DOP1B: variants seen among roughly 807,000 people sequenced by gnomAD.
The protein encoded by DOP1B is DOP1 leucine zipper like protein B.
A neutral mutation model predicts 233.5 loss-of-function variants in DOP1B; 174 were observed. The observed-to-expected ratio is 0.75, with a 90% CI of 0.66 to 0.85. The LOEUF (loss-of-function observed/expected upper bound fraction) is 0.85, where lower values mean the gene tolerates loss of function less well. DOP1B is among the 40% of genes least tolerant of loss of function. The pLI is 0.00. For missense variants in DOP1B, 2,652 were observed against 2,846.6 expected (o/e 0.93, Z 1.56); for synonymous variants, 1,190 against 1,185.6 (o/e 1.00, Z -0.08).
At chr21:36,257,591 A>G (rs968934923) in intron 23 of DOP1B, among the ~76,000 whole-genome samples, 1 of 146,378 alleles carries the variant, frequency 6.8e-6, no homozygotes, top group Non-Finnish European at 1.5e-5. Context: ...TGATACGTAG[A>G]TAGATGATAG....
chr21:36,246,689 T>C lies in DOP1B; in HGVS notation c.4697+12T>C. The C allele has an allele frequency of 6.3e-7, 1 of 1,594,124 alleles. No homozygotes were observed. Among genetic ancestry groups the C allele is most frequent in the Non-Finnish European group, 8.6e-7 (1 of 1,165,172 alleles). ...AAGCTCTCTGTCAGGTGCGTTACGC[T>C]CCTTGTGACATCTTTATTGCTTTAG... On this transcript the variant is annotated intron_variant, in intron 19 of 36. Transcript: ENST00000691173. The surrounding 1 kb of genome is among the most constrained non-coding windows in gnomAD (Gnocchi z 5.1).
chr21:36,229,457 T>G (rs1489098673), intron 13 of DOP1B, among the ~76,000 whole-genome samples: 1 of 152,160 alleles, frequency 6.6e-6, no homozygotes, highest in African/African-American at 2.4e-5. Context: ...CATGTCTGTC[T>G]CTGTGTCCAG....
At chr21:36,165,965 C>T (rs1227813694) in intron 2 of DOP1B, among the ~76,000 whole-genome samples, 2 of 151,584 alleles carry the variant, frequency 1.3e-5, no homozygotes, top group Non-Finnish European at 1.5e-5. Context: ...GATCCACCCA[C>T]CTCGGCCTCC....
intron 17 of DOP1B, 49 bp from the exon 18 acceptor site, chr21:36,239,716 C>A (rs182080845): frequency 1.4e-6 from 2 of 1,481,042 alleles, no homozygotes; most frequent in Non-Finnish European, 1.8e-6. Flanking sequence ...CGGTGCCTGG[C>A]GCACAGGGGT....
chr21:36,283,894 AC>A (rs1186989753), intron 32 of DOP1B, among the ~76,000 whole-genome samples: 23 of 149,960 alleles, frequency 1.5e-4, no homozygotes, highest in East Asian at 5.9e-4. Context: ...GTACCTGATA[AC>A]CCTTTCAGTG....
intron 2 of DOP1B, among the ~76,000 whole-genome samples, chr21:36,187,231 C>T (rs960231684): frequency 4.5e-4 from 61 of 136,662 alleles, no homozygotes; most frequent in African/African-American, 1.5e-3. Flanking sequence ...CCTCCCTTCC[C>T]GGGGGAGGGT....
chr21:36,277,689 T>C (rs1022585359), intron 28 of DOP1B, among the ~76,000 whole-genome samples: 1 of 151,090 alleles, frequency 6.6e-6, no homozygotes, highest in Middle Eastern at 3.2e-3. Context: ...CGCTCTGGAG[T>C]CTGCACTCAG....
At chr21:36,184,015 C>T (rs918307032) in intron 2 of DOP1B, among the ~76,000 whole-genome samples, 10 of 151,910 alleles carry the variant, frequency 6.6e-5, no homozygotes, top group Non-Finnish European at 1.3e-4. Context: ...AGGTGCGTGC[C>T]ACCACGCCTG....
At chr21:36,181,334 A>G (rs2066095964) in intron 2 of DOP1B, among the ~76,000 whole-genome samples, 1 of 151,360 alleles carries the variant, frequency 6.6e-6, no homozygotes, top group Non-Finnish European at 1.5e-5. Context: ...GCTAGAGTGC[A>G]GTGGCACGAT....
In DOP1B at chr21:36,161,412, T is replaced by A. The variant is rs1234488406; in HGVS notation, c.-26-3296T>A. 1.2e-4 allele frequency among the ~76,000 whole-genome samples: 18 copies of A among 152,158 alleles called. No homozygotes were observed. The East Asian group carries it at 3.3e-3, about 28-fold the overall frequency. On this transcript the variant is annotated intron_variant, in intron 1 of 36. Coordinates refer to ENST00000691173, the MANE Select transcript of DOP1B (RefSeq NM_001320714.2). ...TCGGCCTCCCAAAGCGCTGGGATTA[T>A]AGGCATGGGCCACTGCACCTGGCCT...
At chr21:36,158,261 C>T (rs1305391740) in intron 1 of DOP1B, among the ~76,000 whole-genome samples, 1 of 152,176 alleles carries the variant, frequency 6.6e-6, no homozygotes, top group African/African-American at 2.4e-5. Flanking sequence ...CTGAACTCTT[C>T]AATCTCTCAC....
intron 14 of DOP1B, 114 bp from the exon 15 acceptor site, chr21:36,232,690 A>G: frequency 7.0e-7 from 1 of 1,425,006 alleles, no homozygotes; most frequent in Non-Finnish European, 9.6e-7. Flanking sequence ...ACTGCTGTCC[A>G]GGTGGATTTC....
chr21:36,263,672 A>T, intron 25 of DOP1B, 22 bp downstream of exon 25: 1 of 1,613,214 alleles, frequency 6.2e-7, no homozygotes, highest in Non-Finnish European at 8.5e-7. Flanking sequence ...CCACATTGTC[A>T]TTGTGTAATA....
Position 36,212,726 on chromosome 21 carries a change from G to A in DOP1B, c.904+629G>A, listed in dbSNP as rs185201130. On this transcript the variant is annotated intron_variant, in intron 7 of 36. Transcript: ENST00000691173. ...CCCATATTCACGTACCTAAGAAAAC[G>A]TATACAAAACGATTGTGACAGGACT... Among the ~76,000 whole-genome samples the A allele has an allele frequency of 8.9e-4, 136 of 152,304 alleles. 3 individuals are homozygous for A. In the South Asian group the frequency reaches 0.023, roughly 25 times the overall value.
chr21:36,208,382 C>T (rs2066452796), intron 4 of DOP1B, among the ~76,000 whole-genome samples: 1 of 152,216 alleles, frequency 6.6e-6, no homozygotes, highest in African/African-American at 2.4e-5. Flanking sequence ...GGTGGAACCT[C>T]CCTTCCGTGA....
At chr21:36,267,834 C>T (rs1182271769) in intron 26 of DOP1B, among the ~76,000 whole-genome samples, 4 of 151,934 alleles carry the variant, frequency 2.6e-5, no homozygotes, top group Admixed American at 2.6e-4. Flanking sequence ...GAGCCTCAAA[C>T]CAGCAAGTTT....
Position 36,200,340 on chromosome 21 carries a change from A to G in DOP1B, c.330A>G (p.Leu110=), listed in dbSNP as rs1479608593. ...AKDLFLYSCG[L]FPLLAHAAVS... ...TCGTTCTTTCTCGAAGCTGCGGGTTATTTCCTCTCCTGGCACACGCGGCGG... is the reference window on the plus strand; with the variant it reads ...TCGTTCTTTCTCGAAGCTGCGGGTTGTTTCCTCTCCTGGCACACGCGGCGG... Residue 110 remains leucine, a synonymous_variant, in exon 4 of 37, where the codon TTA becomes TTG. Transcript: ENST00000691173. 6.3e-7 allele frequency: 1 copy of G among 1,595,834 alleles called. No homozygotes were observed. The highest frequency in any genetic ancestry group is 1.1e-5 in the South Asian group (1 of 88,908).
chr21:36,286,639 AACAC>A (rs3029064), intron 32 of DOP1B, among the ~76,000 whole-genome samples: 7,358 of 146,298 alleles, frequency 0.05, 432 homozygotes, highest in East Asian at 0.32. Flanking sequence ...CCATCTCAAA[AACAC>A]ACACACACAC....
Position 36,245,701 on chromosome 21 carries a change from C to G in DOP1B, c.3721C>G (p.Leu1241Val). The change falls in exon 19 of 37, where the codon CTC (leucine) becomes GTC (valine). Residue 1241 changes from leucine (L) to valine (V), a missense_variant. Coordinates refer to ENST00000691173, the MANE Select transcript of DOP1B (RefSeq NM_001320714.2). The surrounding 1 kb of genome is among the most constrained non-coding windows in gnomAD (Gnocchi z 5.5). ...YLQPYDSRRV[L>V]YAFSVLEAVL... Reference sequence around the variant, plus strand: ...GCAGCCCTACGACTCTCGGCGGGTCCTCTATGCCTTCTCGGTGCTGGAGGC... The same window carrying G: ...GCAGCCCTACGACTCTCGGCGGGTCGTCTATGCCTTCTCGGTGCTGGAGGC... 6.2e-7 allele frequency: 1 copy of G among 1,613,810 alleles called. No individual in the cohort carries two copies. The highest frequency in any genetic ancestry group is 1.1e-5 in the South Asian group (1 of 91,078).
Sources: gnomAD v4.1 joint callset for allele counts (sites outside exome capture counted in the v4.1 genomes callset) on GRCh38, gnomAD v4.1.1 for gene constraint, Gnocchi (gnomAD v3.1) non-coding constraint, MANE v1.5 for transcripts, NCBI Gene and HGNC (gene_info 2026-07-23, HGNC 2026-07-21) for gene names.